DACH2: variants seen among roughly 807,000 people sequenced by gnomAD.
DACH2 encodes the protein dachshund family transcription factor 2.
Under a neutral mutation model 35.8 loss-of-function variants are expected in DACH2, and 17 were observed. That is an observed-to-expected ratio of 0.48 (90% CI 0.33 to 0.71). The LOEUF is 0.71. Ranked by LOEUF, DACH2 falls within the 30% of genes least tolerant of loss-of-function variation. The probability of loss-of-function intolerance (pLI) is 0.02; values close to 1 mark genes in which losing one functional copy is unlikely to be tolerated. For synonymous variants in DACH2, 195 were observed against 177.3 expected, an observed-to-expected ratio of 1.10 and a Z score of -0.79; for missense variants, 469 against 472.7, an observed-to-expected ratio of 0.99 and a Z score of 0.07.
intron 4 of DACH2, among the ~76,000 whole-genome samples, chrX:86,691,252 A>G (rs1487268903): frequency 9.0e-6 from 1 of 111,406 alleles, no homozygotes; most frequent in African/African-American, 3.3e-5. Context: ...CCTAAAATTC[A>G]GATATTGAAG....
At chrX:86,708,734 A>G (rs1034307964) in intron 5 of DACH2, among the ~76,000 whole-genome samples, 12 of 111,317 alleles carry the variant, frequency 1.1e-4, no homozygotes, top group Non-Finnish European at 2.3e-4. Context: ...TCACCACTAC[A>G]CAATATATCC....
At chrX:86,802,207 G>T (rs1302902630) in intron 7 of DACH2, among the ~76,000 whole-genome samples, 1 of 110,928 alleles carries the variant, frequency 9.0e-6, no homozygotes, top group Non-Finnish European at 1.9e-5. Flanking sequence ...AGCATCAATT[G>T]GGCACTTATT....
At chrX:86,464,057 T>G (rs1354876614) in intron 2 of DACH2, among the ~76,000 whole-genome samples, 3 of 111,446 alleles carry the variant, frequency 2.7e-5, no homozygotes, top group African/African-American at 9.8e-5. Context: ...TGGGAATGCT[T>G]TTACACTGTT....
chrX:86,188,989 C>T (rs759007524), intron 1 of DACH2, among the ~76,000 whole-genome samples: 8 of 112,248 alleles, frequency 7.1e-5, no homozygotes, highest in African/African-American at 2.6e-4. Flanking sequence ...AGACAGTCAA[C>T]ATTTATTCAT....
intron 2 of DACH2, among the ~76,000 whole-genome samples, chrX:86,497,172 A>C (rs182606895): frequency 2.7e-5 from 3 of 111,750 alleles, no homozygotes; most frequent in African/African-American, 9.8e-5. Flanking sequence ...ACTACTAGGA[A>C]AACTTATTAA....
At chrX:86,269,122 C>T in intron 1 of DACH2, among the ~76,000 whole-genome samples, 1 of 109,851 alleles carries the variant, frequency 9.1e-6, no homozygotes, top group Non-Finnish European at 1.9e-5. Flanking sequence ...CCTATCTACC[C>T]CTCCCCACCC....
chrX:86,285,910 A>G (rs2034134305), intron 1 of DACH2, among the ~76,000 whole-genome samples: 1 of 111,072 alleles, frequency 9.0e-6, no homozygotes, highest in South Asian at 3.8e-4. Context: ...TTATCATTAC[A>G]TAATGACCTT....
intron 3 of DACH2, among the ~76,000 whole-genome samples, chrX:86,534,833 A>G (rs1162762856): frequency 9.0e-6 from 1 of 111,640 alleles, no homozygotes; most frequent in African/African-American, 3.3e-5. Flanking sequence ...ACTTCAATTT[A>G]TGCCTTTTAA....
intron 7 of DACH2, among the ~76,000 whole-genome samples, chrX:86,812,604 T>C (rs2042405126): frequency 8.9e-6 from 1 of 111,820 alleles, no homozygotes; most frequent in South Asian, 3.7e-4. Context: ...CAATTGTATG[T>C]ATCTTAAGTT....
chrX:86,728,558 A>T (rs1219172176), intron 6 of DACH2, among the ~76,000 whole-genome samples: 1 of 112,810 alleles, frequency 8.9e-6, no homozygotes, highest in Non-Finnish European at 1.9e-5. Flanking sequence ...AAGGTATTTC[A>T]TAGAACTTCA....
chrX:86,325,788 C>T (rs912651452), intron 1 of DACH2, among the ~76,000 whole-genome samples: 1 of 111,688 alleles, frequency 9.0e-6, no homozygotes, highest in African/African-American at 3.3e-5. Context: ...ACAAGGTGAA[C>T]AGAGTTTTGC....
At position 86,692,997 on chromosome X, in the gene DACH2, T is replaced by C. The variant is rs768471203; in HGVS notation, c.773-2024T>C. ...TATAACAATGTCTTATTGATTTTAA[T>C]TGAAACTTCAAATTTGTTAACACTA... is the stretch of plus-strand genomic sequence containing the variant. On this transcript the variant is annotated intron_variant, in intron 4 of 11. Coordinates refer to ENST00000373125, the MANE Select transcript of DACH2 (RefSeq NM_053281.3). Among the ~76,000 whole-genome samples the C allele has an allele frequency of 2.7e-3, 301 of 112,533 alleles. 2 individuals carry two copies. Among genetic ancestry groups the C allele is most frequent in the African/African-American group, 9.3e-3 (288 of 31,048 alleles).
intron 1 of DACH2, among the ~76,000 whole-genome samples, chrX:86,306,520 G>A (rs980403024): frequency 1.8e-5 from 2 of 111,761 alleles, no homozygotes; most frequent in Non-Finnish European, 3.8e-5. Flanking sequence ...AGTGGGCTGG[G>A]GAAGGCAAAT....
At chrX:86,539,637 G>A (rs1454432072) in intron 3 of DACH2, among the ~76,000 whole-genome samples, 3 of 111,702 alleles carry the variant, frequency 2.7e-5, no homozygotes, top group Non-Finnish European at 5.6e-5. Context: ...TGAGAAATGA[G>A]TGAACACATT....
intron 7 of DACH2, among the ~76,000 whole-genome samples, chrX:86,774,193 G>A (rs777598850): frequency 8.9e-6 from 1 of 111,828 alleles, no homozygotes; most frequent in African/African-American, 3.2e-5. Context: ...TCCCCTCCAA[G>A]AATTATATAT....
intron 1 of DACH2, among the ~76,000 whole-genome samples, chrX:86,181,324 A>G (rs183314496): frequency 2.4e-4 from 26 of 110,387 alleles, no homozygotes; most frequent in Non-Finnish European, 4.2e-4. Context: ...TCCTAATGCT[A>G]TCTCTCCCCT....
chrX:86,148,793 G>A lies in DACH2; in HGVS notation c.173G>A (p.Gly58Asp), dbSNP rs1369194138. The A allele has an allele frequency of 1.7e-6, 2 of 1,209,422 alleles. No homozygotes were observed. The highest frequency in any genetic ancestry group is 2.2e-6 in the Non-Finnish European group (2 of 895,177). ...VNNHSNSAGGGGRGNTNTNEC... is the reference protein window; with the variant it reads ...VNNHSNSAGGDGRGNTNTNEC... Reference sequence around the variant, plus strand: ...AACCACAGCAACAGTGCCGGAGGCGGCGGCAGGGGCAACACCAACACCAAC... The same window carrying A: ...AACCACAGCAACAGTGCCGGAGGCGACGGCAGGGGCAACACCAACACCAAC... The change falls in exon 1 of 12, where the codon GGC becomes GAC. Residue 58 changes from glycine (G) to aspartate (D), a missense_variant. Gly to Asp is a moderately conservative substitution (Grantham distance 94). Coordinates refer to ENST00000373125, the MANE Select transcript of DACH2 (RefSeq NM_053281.3).
chrX:86,348,301 G>A (rs73518185), intron 1 of DACH2, among the ~76,000 whole-genome samples: 3,365 of 111,780 alleles, frequency 0.03, 80 homozygotes, highest in East Asian at 0.21. Context: ...GAAGATGGAC[G>A]CAACTTCCAT....
At chrX:86,568,353 GTGAC>G (rs1251508429) in intron 3 of DACH2, among the ~76,000 whole-genome samples, 1 of 111,246 alleles carries the variant, frequency 9.0e-6, no homozygotes, top group African/African-American at 3.3e-5. Flanking sequence ...TCTGGTGTGA[GTGAC>G]TGGGAGCCTG....
Sources: gnomAD v4.1 joint callset for allele counts (sites outside exome capture counted in the v4.1 genomes callset) on GRCh38, gnomAD v4.1.1 for gene constraint, MANE v1.5 for transcripts, NCBI Gene and HGNC (gene_info 2026-07-23, HGNC 2026-07-21) for gene names.